Variants in POM121 observed in about 807,000 individuals in gnomAD.
POM121 encodes the protein nuclear envelope pore membrane protein POM 121.
Under a neutral mutation model 81.3 loss-of-function variants are expected in POM121, and 32 were observed. That is an observed-to-expected ratio of 0.39 (90% CI 0.30 to 0.53). POM121 has a LOEUF of 0.53. Ranked by LOEUF, POM121 falls within the 20% of genes least tolerant of loss-of-function variation. The probability of loss-of-function intolerance (pLI) is 0.66; values close to 1 mark genes in which losing one functional copy is unlikely to be tolerated. For synonymous variants in POM121, 514 were observed against 694.2 expected (o/e 0.74, Z 4.08); for missense variants, 1,138 against 1,614.6 (o/e 0.70, Z 5.06).
chr7:72,950,108 G>T, downstream of POM121: 2 of 1,595,768 alleles, frequency 1.3e-6, no homozygotes, highest in South Asian at 1.1e-5. Context: ...TGTTCATGCA[G>T]ATCTGTCTGG....
At chr7:72,948,335 T>G (rs782786950), downstream of POM121, 3 of 1,608,652 alleles carry the variant, frequency 1.9e-6, no homozygotes, top group African/African-American at 4.0e-5. Context: ...CAGGCAACAC[T>G]TTTGCTCACC....
intron 3 of POM121, among the ~76,000 whole-genome samples, chr7:72,927,694 C>T (rs1554497819): frequency 6.7e-6 from 1 of 148,354 alleles, no homozygotes; most frequent in Non-Finnish European, 1.5e-5. Context: ...GGTGACAAAG[C>T]GAGACTGTCT....
chr7:72,888,253 T>C (rs1790930435), intron 1 of POM121, among the ~76,000 whole-genome samples: 1 of 152,236 alleles, frequency 6.6e-6, no homozygotes, highest in African/African-American at 2.4e-5. Context: ...TGTCAGCTTA[T>C]CTAGTTCCAG....
Position 72,928,474 on chromosome 7 carries a change from G to A in POM121, c.1103+9G>A. ...GCTTCTTTTGTGCCTAAGTAAGTGG[G>A]AGTCCATCCGGATGAAATACCAACT... On this transcript the variant is annotated intron_variant, in intron 4 of 12. Coordinates refer to ENST00000434423, the MANE Select transcript of POM121 (RefSeq NM_001387691.1). 1 of 1,612,364 alleles carries A rather than the reference G, an allele frequency of 6.2e-7. No homozygotes were observed. Among genetic ancestry groups the A allele is most frequent in the Non-Finnish European group, 8.5e-7 (1 of 1,178,362 alleles).
At position 72,943,247 on chromosome 7, in the gene POM121, G is replaced by C. The variant is rs542961035; in HGVS notation, c.3254G>C (p.Ser1085Thr). 1 of 1,611,570 alleles carries C rather than the reference G, an allele frequency of 6.2e-7. No homozygotes were observed. Among genetic ancestry groups the C allele is most frequent in the Non-Finnish European group, 8.5e-7 (1 of 1,179,370 alleles). Reference sequence around the variant, plus strand: ...ACCCAGACCGCCAGCAGCGGGAGCAGCAGCTCGGTGTTTGGCAGCACAACA... The same window carrying C: ...ACCCAGACCGCCAGCAGCGGGAGCACCAGCTCGGTGTTTGGCAGCACAACA... ...ATTQTASSGSSSSVFGSTTPS... is the reference protein window; with the variant it reads ...ATTQTASSGSTSSVFGSTTPS... Residue 1085 changes from serine to threonine, a missense_variant, in exon 11 of 13, where the codon AGC becomes ACC. Transcript: ENST00000434423.
In POM121 at chr7:72,925,774, C is replaced by T. The variant is rs1388965637; in HGVS notation, c.644+9C>T. ...AGGAGGCCTTCCCCACGGTAAGATG[C>T]GCTGATTTTGTCAGATCATCCTCTG... On this transcript the variant is annotated intron_variant, in intron 1 of 12. Transcript: ENST00000434423. The T allele has an allele frequency of 5.4e-6, 7 of 1,284,410 alleles. No homozygotes were observed. Among genetic ancestry groups the T allele is most frequent in the African/African-American group, 1.6e-5 (1 of 63,188 alleles). 79.6% of individuals were successfully genotyped at this position (1,284,410 alleles called of 1,614,324 possible). A position where few individuals can be genotyped will look rare whatever the true frequency, so the allele number is the denominator to read the frequency against.
chr7:72,923,137 G>A (rs1240856920), upstream of POM121, among the ~76,000 whole-genome samples: 4 of 101,064 alleles, frequency 4.0e-5, no homozygotes, highest in African/African-American at 1.6e-4. Flanking sequence ...TTTTTTTCAA[G>A]TTAAGTCTTA....
At chr7:72,927,597 C>T (rs192764439) in intron 3 of POM121, among the ~76,000 whole-genome samples, 9 of 151,854 alleles carry the variant, frequency 5.9e-5, no homozygotes, top group South Asian at 2.1e-4. Context: ...GTGATCCCAG[C>T]TACTCGGAAG....
In POM121 at chr7:72,946,258, C is replaced by T. The variant is rs1291255990; in HGVS notation, c.*24C>T. The T allele has an allele frequency of 6.2e-7, 1 of 1,608,476 alleles. No individual in the cohort carries two copies. On this transcript the variant is annotated 3_prime_UTR_variant, in exon 13 of 13. Coordinates refer to ENST00000434423, the MANE Select transcript of POM121 (RefSeq NM_001387691.1). ...AGCCTTTGTCCCCTGTCCCTGTTCC[C>T]CCCACCCCTTCCCTAAATCTGGACC... is the stretch of plus-strand genomic sequence containing the variant.
chr7:72,931,229 A>T (rs1347330400), intron 5 of POM121, among the ~76,000 whole-genome samples: 1 of 152,158 alleles, frequency 6.6e-6, no homozygotes, highest in African/African-American at 2.4e-5. Flanking sequence ...ATGGGTTCCA[A>T]ACTGGCTCCT....
At chr7:72,909,139 A>G (rs1793564867) in intron 3 of POM121, among the ~76,000 whole-genome samples, 3 of 152,152 alleles carry the variant, frequency 2.0e-5, no homozygotes, top group Admixed American at 1.3e-4. Flanking sequence ...AATCTTCACA[A>G]TTTATGTTCT....
Position 72,946,453 on chromosome 7 carries a change from G to T in POM121, c.*219G>T. On this transcript the variant is annotated 3_prime_UTR_variant, in exon 13 of 13. Transcript: ENST00000434423. Reference sequence around the variant, plus strand: ...AGCAGGATGCGGAGGGCCAAAGCCCGGGACCTCTACTTGAACAGTTCTACT... The same window carrying T: ...AGCAGGATGCGGAGGGCCAAAGCCCTGGACCTCTACTTGAACAGTTCTACT... 7.2e-7 allele frequency: 1 copy of T among 1,394,326 alleles called. No homozygotes were observed. The allele number at this position is 1,394,326 out of a possible 1,614,324, so 86.4% of individuals were successfully genotyped here.
chr7:72,930,641 A>T (rs1563159684), intron 5 of POM121, among the ~76,000 whole-genome samples: 1 of 152,194 alleles, frequency 6.6e-6, no homozygotes, highest in Non-Finnish European at 1.5e-5. Flanking sequence ...TGGAAAAGGG[A>T]TTATCGCATA....
chr7:72,888,941 G>A (rs1191337850), intron 1 of POM121, among the ~76,000 whole-genome samples: 3 of 151,850 alleles, frequency 2.0e-5, no homozygotes, highest in Non-Finnish European at 4.4e-5. Flanking sequence ...CTGTGTTATA[G>A]TGGCTTATCA....
intron 3 of POM121, among the ~76,000 whole-genome samples, chr7:72,897,173 A>C (rs1792049495): frequency 6.6e-6 from 1 of 152,158 alleles, no homozygotes; most frequent in African/African-American, 2.4e-5. Flanking sequence ...ATAATAAACA[A>C]AATAAAATAT....
intron 3 of POM121, among the ~76,000 whole-genome samples, chr7:72,900,789 C>T (rs1380224820): frequency 2.6e-5 from 4 of 152,106 alleles, no homozygotes; most frequent in Admixed American, 6.6e-5. Context: ...GAGGTGTGAG[C>T]CACCCCTCCC....
intron 5 of POM121, among the ~76,000 whole-genome samples, chr7:72,934,420 G>T (rs1226845172): frequency 3.3e-5 from 5 of 152,110 alleles, no homozygotes; most frequent in Non-Finnish European, 7.3e-5. Context: ...ATTTGAATAC[G>T]CTCTTTATAT....
chr7:72,908,684 C>T (rs1239800912), intron 3 of POM121, among the ~76,000 whole-genome samples: 1 of 152,136 alleles, frequency 6.6e-6, no homozygotes. Flanking sequence ...TAGAGCCCTC[C>T]CCCTAGGAAC....
intron 3 of POM121, among the ~76,000 whole-genome samples, chr7:72,907,909 T>G (rs1451438937): frequency 1.4e-4 from 21 of 152,180 alleles, no homozygotes; most frequent in African/African-American, 1.9e-4. Flanking sequence ...TGTTCTTTTT[T>G]TGTGTGTGTG....
Sources: allele counts gnomAD v4.1 joint callset (sites outside exome capture counted in the v4.1 genomes callset), GRCh38; gene constraint gnomAD v4.1.1; transcripts MANE v1.5; gene names NCBI Gene and HGNC (gene_info 2026-07-23, HGNC 2026-07-21).